KIF2A: variants seen among roughly 807,000 people sequenced by gnomAD.
The protein encoded by KIF2A is kinesin-like protein KIF2A.
KIF2A carries 22 observed loss-of-function variants against 100.2 expected under a neutral mutation model. That is an observed-to-expected ratio of 0.22 (90% CI 0.16 to 0.31). The LOEUF (loss-of-function observed/expected upper bound fraction) is 0.31, where lower values mean the gene tolerates loss of function less well. Among genes scored for constraint, KIF2A ranks in the 10% least tolerant of loss-of-function variants. The pLI is 1.00. For synonymous variants in KIF2A, 268 were observed against 285.9 expected (o/e 0.94, Z 0.63); for missense variants, 495 against 898.7 (o/e 0.55, Z 5.74).
intron 1 of KIF2A, among the ~76,000 whole-genome samples, chr5:62,322,438 A>G (rs964344641): frequency 2.7e-4 from 41 of 152,154 alleles, no homozygotes; most frequent in African/African-American, 9.4e-4. Context: ...TATCTAAGAA[A>G]CCATTGTCTA....
intron 1 of KIF2A, among the ~76,000 whole-genome samples, chr5:62,327,710 A>G (rs1200813787): frequency 6.6e-6 from 1 of 152,178 alleles, no homozygotes; most frequent in East Asian, 1.9e-4. Flanking sequence ...CCTAGTGGTA[A>G]AAGGGCTTAG....
In KIF2A at chr5:62,388,941, C is replaced by A; in HGVS notation, c.*3372C>A. 4.1e-6 allele frequency: 6 copies of A among 1,448,368 alleles called. No homozygotes were observed. Among genetic ancestry groups the A allele is most frequent in the Non-Finnish European group, 5.8e-6 (6 of 1,042,768 alleles). 89.7% of individuals were successfully genotyped at this position (1,448,368 alleles called of 1,614,324 possible). A position where few individuals can be genotyped will look rare whatever the true frequency, so the allele number is the denominator to read the frequency against. On this transcript the variant is annotated 3_prime_UTR_variant, in exon 21 of 21. Transcript: ENST00000407818. ...TGTCTCAGTAAAGCAAAAGCATTATCTTCTCAAATACAAAAAATACAAAAT... is the reference window on the plus strand; with the variant it reads ...TGTCTCAGTAAAGCAAAAGCATTATATTCTCAAATACAAAAAATACAAAAT...
intron 1 of KIF2A, among the ~76,000 whole-genome samples, chr5:62,326,822 T>A (rs1245363714): frequency 3.3e-5 from 5 of 151,836 alleles, no homozygotes; most frequent in African/African-American, 1.2e-4. Context: ...ATGGTGAAAC[T>A]CCCTCTTTAC....
intron 1 of KIF2A, among the ~76,000 whole-genome samples, chr5:62,310,600 TAGTC>T (rs1291626212): frequency 1.3e-5 from 2 of 150,860 alleles, no homozygotes; most frequent in Admixed American, 1.3e-4. Context: ...GCTGGCCTGT[TAGTC>T]AGGAACTACA....
intron 1 of KIF2A, among the ~76,000 whole-genome samples, chr5:62,310,654 AC>A (rs1051885169): frequency 1.9e-4 from 29 of 152,182 alleles, no homozygotes; most frequent in Admixed American, 1.8e-3. Context: ...GGTTAATCTG[AC>A]TTTTCTGGTT....
chr5:62,319,009 C>T (rs1246002061), intron 1 of KIF2A, among the ~76,000 whole-genome samples: 4 of 152,084 alleles, frequency 2.6e-5, no homozygotes, highest in Non-Finnish European at 5.9e-5. Context: ...AGCCTTATTA[C>T]CATGGTCTCT....
intron 4 of KIF2A, among the ~76,000 whole-genome samples, chr5:62,351,818 A>G (rs927098537): frequency 1.3e-5 from 2 of 152,098 alleles, no homozygotes; most frequent in African/African-American, 2.4e-5. Context: ...CTCTCTGTAT[A>G]TATTTGATTA....
chr5:62,346,145 ATAAT>A (rs1253394613), intron 1 of KIF2A, among the ~76,000 whole-genome samples: 2 of 152,128 alleles, frequency 1.3e-5, no homozygotes, highest in African/African-American at 4.8e-5. Context: ...ATAATTAAAA[ATAAT>A]TATTTAGCTC....
rs117704868 is a variant in KIF2A at position 62,326,504 on chromosome 5, T to G, written c.64+19968T>G. On this transcript the variant is annotated intron_variant, in intron 1 of 20. Coordinates refer to ENST00000407818, the MANE Select transcript of KIF2A (RefSeq NM_001098511.3). ...AGCATCTGTGCCTATATGACTGCCT[T>G]CCTTCCTTTGCTGTGGACACATTTT... Among the ~76,000 whole-genome samples, 445 of 152,172 alleles carry G rather than the reference T, an allele frequency of 2.9e-3. 9 individuals are homozygous for G. In the East Asian group the frequency reaches 0.034, roughly 12 times the overall value.
Position 62,351,254 on chromosome 5 carries a change from TAATAA to T in KIF2A, c.334+1143_334+1147del, listed in dbSNP as rs761587052. The stretch of plus-strand genomic sequence containing the variant: ...TCAATAAATAAATAAATAAATAATA[TAATAA>T]AATAAAATGGATGAGATGAATATGA... On this transcript the variant is annotated intron_variant, in intron 4 of 20. Transcript: ENST00000407818. Among the ~76,000 whole-genome samples the T allele has an allele frequency of 4.9e-3, 738 of 151,820 alleles. 4 individuals carry two copies. The highest frequency in any genetic ancestry group is 0.017 in the African/African-American group (698 of 41,384).
At chr5:62,336,038 T>C (rs897670071) in intron 1 of KIF2A, among the ~76,000 whole-genome samples, 4 of 152,168 alleles carry the variant, frequency 2.6e-5, no homozygotes, top group African/African-American at 9.7e-5. Flanking sequence ...TGGTTCAAAA[T>C]AGTATAATAA....
At chr5:62,351,825 A>T (rs1747869129) in intron 4 of KIF2A, among the ~76,000 whole-genome samples, 1 of 152,056 alleles carries the variant, frequency 6.6e-6, no homozygotes, top group African/African-American at 2.4e-5. Context: ...TATATATTTG[A>T]TTAGTGTACA....
chr5:62,382,354 T>TCC (rs971546406), intron 20 of KIF2A, among the ~76,000 whole-genome samples: 8 of 152,198 alleles, frequency 5.3e-5, no homozygotes, highest in African/African-American at 1.9e-4. Flanking sequence ...AGTGGGAGGA[T>TCC]CACTTGATCC....
intron 18 of KIF2A, 113 bp from the exon 19 acceptor site, chr5:62,377,548 C>T (rs1323886050): frequency 5.9e-6 from 3 of 508,290 alleles, no homozygotes; most frequent in Non-Finnish European, 1.0e-5. Flanking sequence ...CTAGCCTTTA[C>T]CATTCAAGCC....
chr5:62,365,354 G>A lies in KIF2A; in HGVS notation c.1578+1G>A, dbSNP rs1431883204. 7.0e-7 allele frequency: 1 copy of A among 1,418,632 alleles called. No homozygotes were observed. The allele number at this position is 1,418,632 out of a possible 1,614,324, so 87.9% of individuals were successfully genotyped here. A position where few individuals can be genotyped will look rare whatever the true frequency, so the allele number is the denominator to read the frequency against. On this transcript the variant is annotated splice_donor_variant, in intron 15 of 20. Transcript: ENST00000407818. LOFTEE classifies it high-confidence loss of function. ...AGGTGAAAACTCTCGTACCTGCATGGTAAGTTTATGTTTATTTTTTGTTTG... is the reference window on the plus strand; with the variant it reads ...AGGTGAAAACTCTCGTACCTGCATGATAAGTTTATGTTTATTTTTTGTTTG...
intron 1 of KIF2A, among the ~76,000 whole-genome samples, chr5:62,311,650 G>T (rs1014422434): frequency 1.3e-5 from 2 of 152,080 alleles, no homozygotes; most frequent in Non-Finnish European, 2.9e-5. Flanking sequence ...AATAGCATGT[G>T]TAAATTTAAG....
At chr5:62,308,489 G>T (rs534352073) in intron 1 of KIF2A, 1 of 752,728 alleles carries the variant, frequency 1.3e-6, no homozygotes, top group African/African-American at 1.7e-5. Flanking sequence ...AGATAGGGAA[G>T]CAACCTAAAT....
chr5:62,353,149 G>A (rs1747939453), intron 5 of KIF2A, 126 bp from the exon 6 acceptor site: 1 of 529,070 alleles, frequency 1.9e-6, no homozygotes, highest in African/African-American at 2.0e-5. Flanking sequence ...TCACGTAGTT[G>A]TTATAGGCAT....
At chr5:62,321,854 C>T (rs565124593) in intron 1 of KIF2A, among the ~76,000 whole-genome samples, 1 of 152,252 alleles carries the variant, frequency 6.6e-6, no homozygotes, top group African/African-American at 2.4e-5. Flanking sequence ...CCACCATGCC[C>T]AGCCATTTGT....
Sources: gnomAD v4.1 joint callset for allele counts (sites outside exome capture counted in the v4.1 genomes callset) on GRCh38, gnomAD v4.1.1 for gene constraint, MANE v1.5 for transcripts, NCBI Gene and HGNC (gene_info 2026-07-23, HGNC 2026-07-21) for gene names.